Variants in NUP98 observed in about 807,000 individuals in gnomAD.
NUP98 encodes nucleoporin 98 and 96 precursor, also known as nuclear pore complex protein Nup98-Nup96.
Under a neutral mutation model 191.9 loss-of-function variants are expected in NUP98, and 26 were observed. That is an observed-to-expected ratio of 0.14 (90% CI 0.10 to 0.19). NUP98 has a LOEUF of 0.19. Among genes scored for constraint, NUP98 ranks in the 10% least tolerant of loss-of-function variants. The pLI is 1.00. For synonymous variants in NUP98, 808 were observed against 778.4 expected (o/e 1.04, Z -0.63); for missense variants, 1,941 against 2,178.8 (o/e 0.89, Z 2.17).
intron 20 of NUP98, among the ~76,000 whole-genome samples, chr11:3,708,173 A>G (rs971606319): frequency 1.3e-5 from 2 of 152,182 alleles, no homozygotes; most frequent in African/African-American, 4.8e-5. Flanking sequence ...TTCTGTGTCT[A>G]GCACATCACT....
rs113924423 is a variant in NUP98 at position 3,744,420 on chromosome 11, T to C, written c.1408+89A>G. On this transcript the variant is annotated intron_variant, in intron 12 of 32. Transcript: ENST00000324932. ...GACATGCATGTATGCAATGCCTTGGTAGGAATGGGACAGGTGTAGGATGGA... is the reference window on the plus strand; with the variant it reads ...GACATGCATGTATGCAATGCCTTGGCAGGAATGGGACAGGTGTAGGATGGA... 20 of 1,313,112 alleles carry C rather than the reference T, an allele frequency of 1.5e-5. No individual in the cohort carries two copies. In the African/African-American group the frequency reaches 2.1e-4, roughly 14 times the overall value. 81.3% of individuals were successfully genotyped at this position (1,313,112 alleles called of 1,614,324 possible).
chr11:3,676,150 G>A lies in NUP98; in HGVS notation c.*9C>T, dbSNP rs1262268221. 1 of 1,612,790 alleles carries A rather than the reference G, an allele frequency of 6.2e-7. No individual in the cohort carries two copies. The highest frequency in any genetic ancestry group is 2.2e-5 in the East Asian group (1 of 44,866). On this transcript the variant is annotated 3_prime_UTR_variant, in exon 33 of 33. Coordinates refer to ENST00000324932, the MANE Select transcript of NUP98 (RefSeq NM_016320.5). ...TGGGCATGTGACTGTGATGCAAAGT[G>A]CCTGGGGCTCACAGGCTCCCAACAG...
chr11:3,683,538 T>G, intron 29 of NUP98, 97 bp from the exon 30 acceptor site: 1 of 1,231,944 alleles, frequency 8.1e-7, no homozygotes. Context: ...TCTCTTAAAC[T>G]GCAGGTCTTT....
At chr11:3,754,717 A>G (rs2080895058) in intron 10 of NUP98, among the ~76,000 whole-genome samples, 1 of 152,096 alleles carries the variant, frequency 6.6e-6, no homozygotes, top group Admixed American at 6.6e-5. Flanking sequence ...CAAGGTGGGC[A>G]GGTCACTGGA....
chr11:3,797,062 A>G (rs1166437743), intron 1 of NUP98, among the ~76,000 whole-genome samples: 1 of 152,240 alleles, frequency 6.6e-6, no homozygotes, highest in Non-Finnish European at 1.5e-5. Flanking sequence ...TCAGGGTTTC[A>G]AGGCGCTGAC....
chr11:3,788,321 G>A (rs754548713), intron 1 of NUP98, among the ~76,000 whole-genome samples: 1 of 152,112 alleles, frequency 6.6e-6, no homozygotes, highest in East Asian at 1.9e-4. Flanking sequence ...ACTGTCACTC[G>A]GCTAGGCGCG....
At chr11:3,733,654 T>C (rs184755939) in intron 13 of NUP98, among the ~76,000 whole-genome samples, 35 of 152,336 alleles carry the variant, frequency 2.3e-4, no homozygotes, top group African/African-American at 7.0e-4. Context: ...ATCTATGTTA[T>C]AGCATGTATC....
intron 32 of NUP98, 41 bp downstream of exon 32, chr11:3,676,468 G>A (rs747476168): frequency 1.2e-6 from 2 of 1,605,206 alleles, no homozygotes; most frequent in East Asian, 4.5e-5. Flanking sequence ...ATAAAAACAG[G>A]AAGCAAGAAG....
chr11:3,758,966 A>G (rs1047647708), intron 10 of NUP98, among the ~76,000 whole-genome samples: 3 of 152,226 alleles, frequency 2.0e-5, no homozygotes, highest in Non-Finnish European at 4.4e-5. Flanking sequence ...AAACACATCA[A>G]TTTAGGAATT....
intron 6 of NUP98, 152 bp from the exon 7 acceptor site, chr11:3,772,080 A>C: frequency 1.6e-6 from 1 of 626,560 alleles, no homozygotes; most frequent in East Asian, 2.8e-5. Context: ...TTATATCATT[A>C]CAGAAAAACA....
intron 12 of NUP98, among the ~76,000 whole-genome samples, chr11:3,736,646 G>A (rs1469202049): frequency 6.6e-6 from 1 of 152,076 alleles, no homozygotes; most frequent in East Asian, 1.9e-4. Flanking sequence ...AAACAAAAAA[G>A]TTGTAAACAT....
rs1235638146 is a variant in NUP98 at position 3,753,414 on chromosome 11, A to G, written c.1175-6T>C. 1 of 1,607,544 alleles carries G rather than the reference A, an allele frequency of 6.2e-7. No homozygotes were observed. Among genetic ancestry groups the G allele is most frequent in the East Asian group, 2.2e-5 (1 of 44,848 alleles). On this transcript the variant is annotated splice_polypyrimidine_tract_variant and splice_region_variant and intron_variant, in intron 10 of 32. Coordinates refer to ENST00000324932, the MANE Select transcript of NUP98 (RefSeq NM_016320.5). ...ACTGGTATTTGTGCCAAAACCTAGGAAGACAAAAGAATGAGTGGATTGTAC... is the reference window on the plus strand; with the variant it reads ...ACTGGTATTTGTGCCAAAACCTAGGGAGACAAAAGAATGAGTGGATTGTAC...
At chr11:3,714,784 T>C (rs1052454753) in intron 18 of NUP98, 5 of 152,906 alleles carry the variant, frequency 3.3e-5, no homozygotes, top group African/African-American at 9.6e-5. Context: ...AAATATGGAA[T>C]GCTTCATGTA....
chr11:3,731,245 C>CA (rs1275531277), intron 14 of NUP98, 146 bp downstream of exon 14: 1 of 442,326 alleles, frequency 2.3e-6, no homozygotes, highest in Non-Finnish European at 3.6e-6. Flanking sequence ...GCCTGGGTGA[C>CA]AGAGTAAGAC....
At chr11:3,785,321 C>T (rs1005965142) in intron 1 of NUP98, among the ~76,000 whole-genome samples, 1 of 152,172 alleles carries the variant, frequency 6.6e-6, no homozygotes, top group Non-Finnish European at 1.5e-5. Flanking sequence ...CTATCTATCT[C>T]TCTTCTGTGA....
At chr11:3,743,640 C>T (rs2080372460) in intron 12 of NUP98, among the ~76,000 whole-genome samples, 1 of 138,042 alleles carries the variant, frequency 7.2e-6, no homozygotes, top group South Asian at 2.4e-4. Flanking sequence ...GAGTGAAACT[C>T]CATCTCAAAA....
At chr11:3,698,109 T>A (rs1408524375) in intron 25 of NUP98, among the ~76,000 whole-genome samples, 13 of 152,154 alleles carry the variant, frequency 8.5e-5, no homozygotes, top group Non-Finnish European at 1.5e-5. Context: ...CATAAAAGAA[T>A]GCTAAGAAGT....
chr11:3,731,423 TTCA>T lies in NUP98; in HGVS notation c.1695_1697del (p.Asp565del), dbSNP rs774064841. On this transcript the variant is annotated inframe_deletion, in exon 14 of 33. Coordinates refer to ENST00000324932, the MANE Select transcript of NUP98 (RefSeq NM_016320.5). ...TGAATGCTCCATTGGCTAGGGATGG[TTCA>T]TCGTCATCCAGCCCATCAAAGAGAT... 3.1e-6 allele frequency: 5 copies of T among 1,605,016 alleles called. No homozygotes were observed. The East Asian group carries it at 6.7e-5, about 22-fold the overall frequency.
Position 3,702,700 on chromosome 11 carries a change from A to G in NUP98, c.3275T>C (p.Val1092Ala), listed in dbSNP as rs907594996. ...TAGGCCTAGTTGCCTACGTGTACCC[A>G]CTGTTTTCAACGGAACCTCAGGGGC... ...SPAPEVPLKTVGTRRQLGLVP... is the reference protein window; with the variant it reads ...SPAPEVPLKTAGTRRQLGLVP... The change falls in exon 23 of 33, where the codon GTG (valine) becomes GCG (alanine). Residue 1092 changes from valine to alanine, a missense_variant. Transcript: ENST00000324932. The G allele has an allele frequency of 1.2e-6, 2 of 1,614,000 alleles. No homozygotes were observed. Among genetic ancestry groups the G allele is most frequent in the African/African-American group, 1.3e-5 (1 of 74,902 alleles).
Sources: gnomAD v4.1 joint callset for allele counts (sites outside exome capture counted in the v4.1 genomes callset) on GRCh38, gnomAD v4.1.1 for gene constraint, MANE v1.5 for transcripts, NCBI Gene and HGNC (gene_info 2026-07-23, HGNC 2026-07-21) for gene names.